Variants in RET observed in about 807,000 individuals in gnomAD.
The protein encoded by RET is ret proto-oncogene.
In RET, 19 loss-of-function variants were observed where a neutral mutation model predicts 118.3. The observed-to-expected ratio is 0.16, with a 90% CI of 0.11 to 0.24. The LOEUF (loss-of-function observed/expected upper bound fraction) is 0.24. Ranked by LOEUF, RET falls within the 10% of genes least tolerant of loss-of-function variation. RET has a pLI of 1.00. For missense variants in RET, 1,219 were observed against 1,502.1 expected (o/e 0.81, Z 3.12); for synonymous variants, 597 against 644.1 (o/e 0.93, Z 1.11).
In RET at chr10:43,112,238, A is replaced by G. The variant is rs1356301733; in HGVS notation, c.1648+14A>G. 3.9e-6 allele frequency: 6 copies of G among 1,551,774 alleles called. No homozygotes were observed. Among genetic ancestry groups the G allele is most frequent in the Non-Finnish European group, 5.2e-6 (6 of 1,147,082 alleles). ...GAGATGGCAAAGGTAAGCCCTGGAA[A>G]CGCCCAAGGGAGGCCTGCAGGGGCG... is the stretch of plus-strand genomic sequence containing the variant. On this transcript the variant is annotated intron_variant, in intron 8 of 19. Coordinates refer to ENST00000355710, the MANE Select transcript of RET (RefSeq NM_020975.6).
chr10:43,105,296 A>G, intron 4 of RET, 103 bp downstream of exon 4: 1 of 1,534,124 alleles, frequency 6.5e-7, no homozygotes, highest in South Asian at 1.2e-5. Context: ...CGTGTGGCCG[A>G]CCATTCGCGC....
At chr10:43,124,166 AGGCAGGG>A (rs530526133) in intron 17 of RET, among the ~76,000 whole-genome samples, 2 of 152,262 alleles carry the variant, frequency 1.3e-5, no homozygotes, top group African/African-American at 2.4e-5. Flanking sequence ...GTGCAGAGCC[AGGCAGGG>A]GCAGCCTGGG....
At chr10:43,124,094 A>T (rs76718568) in intron 17 of RET, among the ~76,000 whole-genome samples, 1 of 152,108 alleles carries the variant, frequency 6.6e-6, no homozygotes, top group African/African-American at 2.4e-5. Context: ...CAGGACACTT[A>T]GGGAGGAGAA....
intron 1 of RET, among the ~76,000 whole-genome samples, chr10:43,084,092 G>A (rs964411320): frequency 6.6e-6 from 1 of 152,226 alleles, no homozygotes; most frequent in Non-Finnish European, 1.5e-5. Flanking sequence ...CTTCCTGTGA[G>A]GGGTAAATAG....
intron 1 of RET, among the ~76,000 whole-genome samples, chr10:43,077,710 C>T (rs1243566046): frequency 6.6e-6 from 1 of 152,194 alleles, no homozygotes; most frequent in Non-Finnish European, 1.5e-5. Flanking sequence ...GGTCAGGGAG[C>T]CCCGAAAGCC....
In RET at chr10:43,128,764, G is replaced by A. The variant is rs764840727; in HGVS notation, c.*495G>A. 1 of 290,498 alleles carries A rather than the reference G, an allele frequency of 3.4e-6. No individual in the cohort carries two copies. Among genetic ancestry groups the A allele is most frequent in the Non-Finnish European group, 6.5e-6 (1 of 152,870 alleles). The allele number at this position is 290,498 out of a possible 1,614,324, so 18.0% of individuals were successfully genotyped here. Reference sequence around the variant, plus strand: ...CTTATTCAGAATGAGAGACTGCGGGGGGGGCCTGGGGGTAGTGTCAATGCC... The same window carrying A: ...CTTATTCAGAATGAGAGACTGCGGGAGGGGCCTGGGGGTAGTGTCAATGCC... On this transcript the variant is annotated 3_prime_UTR_variant, in exon 20 of 20. Transcript: ENST00000355710.
At chr10:43,121,827 G>A (rs1042524967) in intron 15 of RET, 119 bp from the exon 16 acceptor site, 1 of 783,256 alleles carries the variant, frequency 1.3e-6, no homozygotes, top group Non-Finnish European at 2.3e-6. Context: ...GTGCCCAGGA[G>A]TGTCTACAGC....
At chr10:43,107,603 C>T (rs577433102) in intron 5 of RET, among the ~76,000 whole-genome samples, 1 of 132,226 alleles carries the variant, frequency 7.6e-6, no homozygotes, top group Non-Finnish European at 1.7e-5. Context: ...ACACACACAC[C>T]CTGTTACCCA....
At chr10:43,120,960 A>G (rs887230109) in intron 15 of RET, among the ~76,000 whole-genome samples, 1 of 151,796 alleles carries the variant, frequency 6.6e-6, no homozygotes, top group Non-Finnish European at 1.5e-5. Context: ...AAAAACCACA[A>G]AAGGCGACTT....
chr10:43,114,395 A>G lies in RET; in HGVS notation c.1880-85A>G, dbSNP rs1588873917. 1 of 1,570,000 alleles carries G rather than the reference A, an allele frequency of 6.4e-7. No homozygotes were observed. Among genetic ancestry groups the G allele is most frequent in the Non-Finnish European group, 8.6e-7 (1 of 1,158,932 alleles). The stretch of plus-strand genomic sequence containing the variant: ...CTGGCGCGGACACGGCAGGCTGGAG[A>G]GCCATGAGGCAGAGCATACGCAGCC... On this transcript the variant is annotated intron_variant, in intron 10 of 19. Transcript: ENST00000355710. The surrounding 1 kb of genome is among the most constrained non-coding windows in gnomAD (Gnocchi z 4.6).
intron 12 of RET, 108 bp downstream of exon 12, chr10:43,116,839 C>G: frequency 7.2e-7 from 1 of 1,393,406 alleles, no homozygotes; most frequent in Non-Finnish European, 9.8e-7. Context: ...CAATGCTGTT[C>G]TAGAGCGGCT....
At position 43,105,051 on chromosome 10, in the gene RET, T is replaced by C. The variant is rs2132705240; in HGVS notation, c.725T>C (p.Val242Ala). The C allele has an allele frequency of 1.9e-6, 3 of 1,608,560 alleles. No homozygotes were observed. The highest frequency in any genetic ancestry group is 2.5e-6 in the Non-Finnish European group (3 of 1,179,460). ...CGGGAGAAGTACGAGCTGGTGGCCG[T>C]GTGCACCGTGCACGCCGGCGCGCGC... Reference protein sequence around the residue: ...EQREKYELVAVCTVHAGAREE... With the variant: ...EQREKYELVAACTVHAGAREE... The change falls in exon 4 of 20, where the codon GTG becomes GCG. Residue 242 changes from valine (V) to alanine (A), a missense_variant. Around this residue, in one of 5 missense-constraint regions of RET, gnomAD observed 850 missense variants for 969.6 expected, o/e 0.88. Transcript: ENST00000355710.
intron 1 of RET, among the ~76,000 whole-genome samples, chr10:43,079,370 C>T (rs1837127707): frequency 6.6e-6 from 1 of 152,222 alleles, no homozygotes; most frequent in Non-Finnish European, 1.5e-5. Flanking sequence ...GACACACACT[C>T]CTCATACCTG....
intron 1 of RET, among the ~76,000 whole-genome samples, chr10:43,086,877 AG>A (rs1837299934): frequency 6.6e-6 from 1 of 152,204 alleles, no homozygotes; most frequent in African/African-American, 2.4e-5. Flanking sequence ...TCAGAGCAGA[AG>A]GCTGGGTCTG....
chr10:43,118,563 CT>C, intron 13 of RET, 83 bp downstream of exon 13: 1 of 991,858 alleles, frequency 1.0e-6, no homozygotes, highest in Admixed American at 1.9e-5. Flanking sequence ...CTCTTTCTCC[CT>C]TTCCCTACTG....
At chr10:43,107,557 CCT>C (rs1422109436) in intron 5 of RET, among the ~76,000 whole-genome samples, 4 of 105,442 alleles carry the variant, frequency 3.8e-5, no homozygotes, top group Admixed American at 1.0e-4. Flanking sequence ...ACCCCCCATG[CCT>C]CACACACACA....
rs964945468 is a variant in RET, at chr10:43,096,463, T to C, written c.74-3996T>C. Among the ~76,000 whole-genome samples, 6 of 152,094 alleles carry C rather than the reference T, an allele frequency of 3.9e-5. No individual in the cohort carries two copies. In the South Asian group the frequency reaches 8.3e-4, roughly 21 times the overall value. On this transcript the variant is annotated intron_variant, in intron 1 of 19. Coordinates refer to ENST00000355710, the MANE Select transcript of RET (RefSeq NM_020975.6). Reference sequence around the variant, plus strand: ...TCTCGCCACCCAGCCTTGCTGTTCTTATATGTGAAATGGGCAGTGAAGGGA... The same window carrying C: ...TCTCGCCACCCAGCCTTGCTGTTCTCATATGTGAAATGGGCAGTGAAGGGA...
intron 1 of RET, among the ~76,000 whole-genome samples, chr10:43,092,925 C>A (rs980484042): frequency 2.6e-5 from 4 of 152,214 alleles, no homozygotes; most frequent in African/African-American, 9.7e-5. Flanking sequence ...CACAGTATCT[C>A]CCCGTCCTCT....
chr10:43,119,245 A>G (rs1261548576), intron 13 of RET, among the ~76,000 whole-genome samples: 5 of 152,308 alleles, frequency 3.3e-5, no homozygotes, highest in African/African-American at 1.2e-4. Flanking sequence ...TCCTAGCATC[A>G]GGGAGGGGTG....
Sources: allele counts gnomAD v4.1 joint callset (sites outside exome capture counted in the v4.1 genomes callset), GRCh38; gene constraint gnomAD v4.1.1; regional missense constraint gnomAD v4.1.1; non-coding constraint Gnocchi (gnomAD v3.1); transcripts MANE v1.5; gene names NCBI Gene and HGNC (gene_info 2026-07-23, HGNC 2026-07-21).